The following FAM167A variants were observed in gnomAD, a reference collection of about 807,000 sequenced individuals.
The protein encoded by FAM167A is family with sequence similarity 167 member A, also known as protein FAM167A.
In FAM167A, 23 loss-of-function variants were observed where a neutral mutation model predicts 14.9. The observed-to-expected ratio is 1.55, with a 90% CI of 1.11 to 2.19. FAM167A has a LOEUF of 2.19. Ranked by LOEUF, FAM167A falls within the 30% of genes most tolerant of loss-of-function variation. The pLI, the probability that FAM167A is intolerant of heterozygous loss-of-function variation, is 0.00. For synonymous variants in FAM167A, 174 were observed against 117.7 expected, an observed-to-expected ratio of 1.48 and a Z score of -3.10; for missense variants, 401 against 281.5, an observed-to-expected ratio of 1.42 and a Z score of -3.04.
rs1381539383 is a variant in FAM167A at position 11,424,233 on chromosome 8, GGTCCTGGGGCCCTTGAGTCGCCA to G, written c.*117_*139del. Reference sequence around the variant, plus strand: ...CTGGGTGGGAGAGCACCACTGAATAGGTCCTGGGGCCCTTGAGTCGCCAGTCCCAGGGACCCCTGCCTCCGGGA... The same window carrying G: ...CTGGGTGGGAGAGCACCACTGAATAGGTCCCAGGGACCCCTGCCTCCGGGA... On this transcript the variant is annotated 3_prime_UTR_variant, in exon 3 of 3. Coordinates refer to ENST00000284486, the MANE Select transcript of FAM167A (RefSeq NM_053279.3). The G allele has an allele frequency of 4.6e-6, 5 of 1,085,396 alleles. No individual in the cohort carries two copies. The East Asian group carries it at 1.3e-4, about 28-fold the overall frequency. The allele number at this position is 1,085,396 out of a possible 1,614,324, so 67.2% of individuals were successfully genotyped here.
intron 2 of FAM167A, among the ~76,000 whole-genome samples, chr8:11,429,475 C>T (rs924792643): frequency 2.0e-5 from 3 of 152,182 alleles, no homozygotes; most frequent in Non-Finnish European, 2.9e-5. Flanking sequence ...CCCCTGGAGG[C>T]GGGGATGACA....
chr8:11,472,310 G>T (rs944705343), upstream of FAM167A, among the ~76,000 whole-genome samples: 1 of 152,178 alleles, frequency 6.6e-6, no homozygotes, highest in Non-Finnish European at 1.5e-5. Flanking sequence ...GTGAACACTT[G>T]TAAGAACATC....
intron 2 of FAM167A, among the ~76,000 whole-genome samples, chr8:11,429,389 G>A (rs910727670): frequency 2.6e-5 from 4 of 152,198 alleles, no homozygotes; most frequent in African/African-American, 7.2e-5. Flanking sequence ...AGAGGGCTGC[G>A]CCAGTTCAGG....
chr8:11,424,856 G>T (rs1805025928), intron 2 of FAM167A, among the ~76,000 whole-genome samples: 1 of 152,242 alleles, frequency 6.6e-6, no homozygotes. Context: ...GCTAGTTGCT[G>T]TATCTAAGTC....
At chr8:11,472,586 C>T (rs1477965728), upstream of FAM167A, among the ~76,000 whole-genome samples, 2 of 151,992 alleles carry the variant, frequency 1.3e-5, no homozygotes, top group Non-Finnish European at 2.9e-5. Flanking sequence ...GAAATGTCAC[C>T]ACTAACAACA....
chr8:11,436,563 A>T (rs1806032199), intron 2 of FAM167A, among the ~76,000 whole-genome samples: 1 of 152,216 alleles, frequency 6.6e-6, no homozygotes, highest in South Asian at 2.1e-4. Context: ...CTGCTCCGAC[A>T]GGAGCTCCCC....
At chr8:11,457,323 C>T (rs1231834309) in intron 1 of FAM167A, among the ~76,000 whole-genome samples, 1 of 151,908 alleles carries the variant, frequency 6.6e-6, no homozygotes, top group Non-Finnish European at 1.5e-5. Flanking sequence ...TGCTGCACAC[C>T]CTTGTGAGAA....
chr8:11,455,633 C>CCGGG (rs1422276911), intron 1 of FAM167A, among the ~76,000 whole-genome samples: 1 of 77,154 alleles, frequency 1.3e-5, no homozygotes, highest in Non-Finnish European at 2.3e-5. Context: ...GGTTGCTCTG[C>CCGGG]TGGGTGTGAG....
intron 2 of FAM167A, among the ~76,000 whole-genome samples, chr8:11,431,781 G>A (rs1369312474): frequency 2.0e-5 from 3 of 150,810 alleles, no homozygotes; most frequent in Admixed American, 6.6e-5. Flanking sequence ...TCTCTAGCCT[G>A]AGTGACACTG....
At chr8:11,439,201 C>T (rs571883785) in intron 2 of FAM167A, among the ~76,000 whole-genome samples, 5 of 152,242 alleles carry the variant, frequency 3.3e-5, no homozygotes, top group African/African-American at 4.8e-5. Context: ...TCAGTCTTCT[C>T]CTCTGTAAGA....
intron 2 of FAM167A, among the ~76,000 whole-genome samples, chr8:11,431,893 CA>C (rs748615997): frequency 0.057 from 895 of 15,612 alleles, 15 homozygotes; most frequent in Non-Finnish European, 0.11. Context: ...GACCAATTGG[CA>C]AAAAAAAAAA....
At chr8:11,467,086 G>T (rs1229809615), upstream of FAM167A, among the ~76,000 whole-genome samples, 2 of 152,186 alleles carry the variant, frequency 1.3e-5, no homozygotes, top group African/African-American at 4.8e-5. Context: ...CCGCATGGAG[G>T]GCGCAGGGGG....
intron 1 of FAM167A, among the ~76,000 whole-genome samples, chr8:11,456,108 G>A (rs2117130237): frequency 7.1e-6 from 1 of 141,782 alleles, no homozygotes; most frequent in African/African-American, 2.7e-5. Context: ...CTGTGTGTGT[G>A]TGTGAATGTG....
At chr8:11,424,721 A>T in intron 2 of FAM167A, 85 bp from the exon 3 acceptor site, 5 of 1,531,108 alleles carry the variant, frequency 3.3e-6, no homozygotes, top group Non-Finnish European at 4.4e-6. Flanking sequence ...GGCCCTGACT[A>T]ATGTCTTAGT....
rs1806610042 is a variant in FAM167A at position 11,444,017 on chromosome 8, G to A, written c.381+14C>T. The A allele has an allele frequency of 6.3e-7, 1 of 1,599,206 alleles. No homozygotes were observed. Among genetic ancestry groups the A allele is most frequent in the Non-Finnish European group, 8.5e-7 (1 of 1,172,070 alleles). On this transcript the variant is annotated intron_variant, in intron 2 of 2. Transcript: ENST00000284486. ...TCTCCTCTTTTCTGGGGATTCTTGG[G>A]GGCAGCCACTCACCAGTTCCTTCCT...
At chr8:11,456,220 T>TATGG (rs1397242779) in intron 1 of FAM167A, among the ~76,000 whole-genome samples, 8 of 748 alleles carry the variant, frequency 0.011, 1 homozygote, top group Admixed American at 0.019. Context: ...TGTGTGAGTG[T>TATGG]GAGTGAGTGT....
Position 11,444,543 on chromosome 8 carries a change from G to A in FAM167A, c.-132C>T. On this transcript the variant is annotated 5_prime_UTR_variant, in exon 2 of 3. Coordinates refer to ENST00000284486, the MANE Select transcript of FAM167A (RefSeq NM_053279.3). ...GCCCGAGGGCATTTCCGGGACAGGA[G>A]CCGGCCTCAGAGGCTGGGTGGCAGG... 3 of 1,472,712 alleles carry A rather than the reference G, an allele frequency of 2.0e-6. No individual in the cohort carries two copies. Among genetic ancestry groups the A allele is most frequent in the South Asian group, 2.8e-5 (2 of 71,540 alleles). The allele number at this position is 1,472,712 out of a possible 1,614,324, so 91.2% of individuals were successfully genotyped here. A position where few individuals can be genotyped will look rare whatever the true frequency, so the allele number is the denominator to read the frequency against.
rs375721939 is a variant in FAM167A at position 11,447,307 on chromosome 8, G to A, written c.-397-2499C>T. Among the ~76,000 whole-genome samples, 6 of 151,908 alleles carry A rather than the reference G, an allele frequency of 3.9e-5. No homozygotes were observed. The East Asian group carries it at 9.7e-4, about 25-fold the overall frequency. ...AGCGATTCTCCTGCCTCAGCCTCCC[G>A]AGTAGCTGGGGTTACAGGCAGCTGC... On this transcript the variant is annotated intron_variant, in intron 1 of 2. Transcript: ENST00000284486.
chr8:11,424,489 G>C lies in FAM167A; in HGVS notation c.529C>G (p.Leu177Val), dbSNP rs757724438. 4.3e-6 allele frequency: 7 copies of C among 1,614,076 alleles called. No homozygotes were observed. ...GGGGAGTCACAGAAGAGGTCGGCCA[G>C]CTCATCCCGCTCCTCCAGCTCGTAG... is the stretch of plus-strand genomic sequence containing the variant. ...ATYELEERDE[L>V]ADLFCDSPLA... Residue 177 changes from leucine to valine, a missense_variant, in exon 3 of 3, where the codon CTG becomes GTG. Physicochemically the swap from Leu to Val is conservative, Grantham distance 32. Transcript: ENST00000284486.
Sources: allele counts gnomAD v4.1 joint callset (sites outside exome capture counted in the v4.1 genomes callset), GRCh38; gene constraint gnomAD v4.1.1; transcripts MANE v1.5; gene names NCBI Gene and HGNC (gene_info 2026-07-23, HGNC 2026-07-21).